Variants in CDYL2 observed in about 807,000 individuals in gnomAD.
CDYL2 encodes the protein chromodomain Y like 2.
A neutral mutation model predicts 49.4 loss-of-function variants in CDYL2; 23 were observed. That is an observed-to-expected ratio of 0.47 (90% CI 0.34 to 0.66). CDYL2 has a LOEUF of 0.66. Among genes scored for constraint, CDYL2 ranks in the 30% least tolerant of loss-of-function variants. The pLI, the probability that CDYL2 is intolerant of heterozygous loss-of-function variation, is 0.01. For missense variants in CDYL2, 678 were observed against 656.4 expected (o/e 1.03, Z -0.36); for synonymous variants, 360 against 268.8 (o/e 1.34, Z -3.32).
intron 1 of CDYL2, among the ~76,000 whole-genome samples, chr16:80,759,623 T>C (rs1396214254): frequency 6.6e-6 from 1 of 152,232 alleles, no homozygotes; most frequent in Non-Finnish European, 1.5e-5. Context: ...GCTACTTCTG[T>C]GGCTTCTCTG....
At chr16:80,623,960 C>A (rs527842721) in intron 3 of CDYL2, among the ~76,000 whole-genome samples, 1 of 152,286 alleles carries the variant, frequency 6.6e-6, no homozygotes, top group South Asian at 2.1e-4. Flanking sequence ...AGGATGGAGC[C>A]AGGATCTGAA....
chr16:80,762,380 C>G (rs559025844), intron 1 of CDYL2, among the ~76,000 whole-genome samples: 23 of 152,182 alleles, frequency 1.5e-4, no homozygotes, highest in African/African-American at 5.3e-4. Flanking sequence ...TCAACGGGAG[C>G]AAACCAAACG....
intron 2 of CDYL2, among the ~76,000 whole-genome samples, chr16:80,675,849 C>A (rs562168636): frequency 1.3e-3 from 194 of 152,250 alleles, no homozygotes; most frequent in Non-Finnish European, 2.3e-3. Context: ...CCACTATACC[C>A]TTTTTGGAAG....
chr16:80,663,435 A>G (rs1909131101), intron 2 of CDYL2, among the ~76,000 whole-genome samples: 1 of 152,100 alleles, frequency 6.6e-6, no homozygotes, highest in African/African-American at 2.4e-5. Context: ...AAGAAAAAAA[A>G]AAATCTTAGC....
chr16:80,768,265 C>G (rs1340417589), intron 1 of CDYL2, among the ~76,000 whole-genome samples: 2 of 152,200 alleles, frequency 1.3e-5, no homozygotes, highest in South Asian at 2.1e-4. Context: ...CTCTCTCTCC[C>G]TATTCACTGG....
At chr16:80,611,509 T>C (rs1335519644) in intron 5 of CDYL2, among the ~76,000 whole-genome samples, 1 of 152,170 alleles carries the variant, frequency 6.6e-6, no homozygotes, top group Non-Finnish European at 1.5e-5. Flanking sequence ...CTCCAACGCC[T>C]ACTCGGACCA....
At chr16:80,746,693 T>G (rs1326706247) in intron 1 of CDYL2, among the ~76,000 whole-genome samples, 1 of 152,146 alleles carries the variant, frequency 6.6e-6, no homozygotes, top group South Asian at 2.1e-4. Context: ...AGGCCCCCTT[T>G]TGCAGGTGTG....
intron 1 of CDYL2, among the ~76,000 whole-genome samples, chr16:80,754,330 C>T (rs571053224): frequency 6.6e-6 from 1 of 152,236 alleles, no homozygotes; most frequent in Non-Finnish European, 1.5e-5. Context: ...GAATATATGG[C>T]TTTCTGGGGG....
At chr16:80,667,724 G>A (rs900330669) in intron 2 of CDYL2, among the ~76,000 whole-genome samples, 1 of 152,182 alleles carries the variant, frequency 6.6e-6, no homozygotes. Flanking sequence ...TTGGAAAAAG[G>A]GGGAAAAAAT....
At chr16:80,635,268 A>C (rs13330499) in intron 2 of CDYL2, among the ~76,000 whole-genome samples, 8,907 of 152,212 alleles carry the variant, frequency 0.059, 786 homozygotes, top group African/African-American at 0.19. Flanking sequence ...GGGACTTCCT[A>C]GTCCAATTGT....
At position 80,804,135 on chromosome 16, in the gene CDYL2, C is replaced by G. The variant is rs1908022538; in HGVS notation, c.24+15G>C. The stretch of plus-strand genomic sequence containing the variant: ...CCGCTGACTGGGGCCGGCCCGCGCC[C>G]CCGCGTCCCCGTACCTCGTAAAGGT... On this transcript the variant is annotated intron_variant, in intron 1 of 6. Coordinates refer to ENST00000570137, the MANE Select transcript of CDYL2 (RefSeq NM_152342.4). 2 of 1,194,858 alleles carry G rather than the reference C, an allele frequency of 1.7e-6. No homozygotes were observed. Among genetic ancestry groups the G allele is most frequent in the African/African-American group, 1.6e-5 (1 of 60,800 alleles). 74.0% of individuals were successfully genotyped at this position (1,194,858 alleles called of 1,614,324 possible).
intron 1 of CDYL2, among the ~76,000 whole-genome samples, chr16:80,695,805 T>C (rs1477268396): frequency 2.0e-5 from 3 of 152,258 alleles, no homozygotes; most frequent in Non-Finnish European, 4.4e-5. Flanking sequence ...ACAATATTAG[T>C]TGAGACCTTC....
intron 2 of CDYL2, among the ~76,000 whole-genome samples, chr16:80,652,985 C>T (rs1410913165): frequency 2.0e-5 from 3 of 152,196 alleles, no homozygotes; most frequent in Non-Finnish European, 4.4e-5. Context: ...CTGGAACAGA[C>T]ACTAGGTGAA....
At chr16:80,735,143 C>T (rs1226039138) in intron 1 of CDYL2, 1 of 152,132 alleles carries the variant, frequency 6.6e-6, no homozygotes, top group East Asian at 1.9e-4. Context: ...CAGAAGAACA[C>T]AAAATAATGG....
intron 1 of CDYL2, among the ~76,000 whole-genome samples, chr16:80,781,292 A>G (rs74030435): frequency 0.018 from 2,790 of 152,312 alleles, 87 homozygotes; most frequent in African/African-American, 0.064. Flanking sequence ...AAATAACAAA[A>G]TGATTTTTTT....
chr16:80,735,438 C>T (rs1008139718), intron 1 of CDYL2, among the ~76,000 whole-genome samples: 5 of 152,202 alleles, frequency 3.3e-5, no homozygotes, highest in Non-Finnish European at 2.9e-5. Flanking sequence ...ATAATAACCA[C>T]GACATTGTCA....
chr16:80,693,554 C>A (rs1450386951), intron 1 of CDYL2, among the ~76,000 whole-genome samples: 1 of 152,080 alleles, frequency 6.6e-6, no homozygotes, highest in Non-Finnish European at 1.5e-5. Context: ...AACAAGAAAA[C>A]AGATAAACAA....
chr16:80,763,652 AG>A (rs1267003001), intron 1 of CDYL2, among the ~76,000 whole-genome samples: 3 of 152,160 alleles, frequency 2.0e-5, no homozygotes, highest in African/African-American at 7.2e-5. Flanking sequence ...CTCATCAGAA[AG>A]GGTAAAACAA....
chr16:80,633,800 T>A (rs1481286605), intron 2 of CDYL2, among the ~76,000 whole-genome samples: 1 of 152,198 alleles, frequency 6.6e-6, no homozygotes, highest in Non-Finnish European at 1.5e-5. Context: ...TCTCTCTTCC[T>A]CTCGCAAATC....
Sources: allele counts gnomAD v4.1 joint callset (sites outside exome capture counted in the v4.1 genomes callset), GRCh38; gene constraint gnomAD v4.1.1; transcripts MANE v1.5; gene names NCBI Gene and HGNC (gene_info 2026-07-23, HGNC 2026-07-21).